STPG2: variants seen among roughly 807,000 people sequenced by gnomAD.
STPG2 encodes the protein sperm-tail PG-rich repeat-containing protein 2.
In STPG2, 56 loss-of-function variants were observed where a neutral mutation model predicts 54.2. The observed-to-expected ratio is 1.03, with a 90% CI of 0.83 to 1.29. The LOEUF is 1.29. Ranked by LOEUF, STPG2 falls within the 50% of genes most tolerant of loss-of-function variation. The pLI is 0.00. For missense variants in STPG2, 596 were observed against 544.9 expected (o/e 1.09, Z -0.93); for synonymous variants, 200 against 181.8 (o/e 1.10, Z -0.81).
intron 5 of STPG2, among the ~76,000 whole-genome samples, chr4:97,989,048 A>G (rs953228905): frequency 2.0e-5 from 3 of 152,218 alleles, no homozygotes; most frequent in African/African-American, 7.2e-5. Context: ...TAAATAGGTT[A>G]GATTCTAAAA....
At chr4:97,486,829 G>GTA (rs1290804763) in intron 4 of STPG2, among the ~76,000 whole-genome samples, 17,255 of 89,958 alleles carry the variant, frequency 0.19, 1,244 homozygotes, top group South Asian at 0.33. Context: ...GTGTGTGTGT[G>GTA]TATATATATA....
chr4:97,870,406 T>C (rs1729944094), intron 8 of STPG2, among the ~76,000 whole-genome samples: 1 of 151,438 alleles, frequency 6.6e-6, no homozygotes, highest in Non-Finnish European at 1.5e-5. Flanking sequence ...CATACAATTA[T>C]ATGAACAAAA....
intron 8 of STPG2, among the ~76,000 whole-genome samples, chr4:97,854,479 TAA>T (rs1276822418): frequency 6.7e-6 from 1 of 148,282 alleles, no homozygotes; most frequent in Non-Finnish European, 1.5e-5. Flanking sequence ...GTATCATATA[TAA>T]TATATATAAT....
At chr4:98,129,165 C>T (rs551416338) in intron 2 of STPG2, among the ~76,000 whole-genome samples, 5 of 152,150 alleles carry the variant, frequency 3.3e-5, no homozygotes, top group Non-Finnish European at 7.3e-5. Context: ...TCATAAGAAG[C>T]AAAGATTCTT....
At chr4:98,126,442 A>G (rs540558664) in intron 3 of STPG2, among the ~76,000 whole-genome samples, 17 of 152,304 alleles carry the variant, frequency 1.1e-4, no homozygotes, top group African/African-American at 3.6e-4. Context: ...AGAAAAGTGT[A>G]GTTTCCTGGA....
intron 10 of STPG2, among the ~76,000 whole-genome samples, chr4:97,560,708 G>T (rs1732206368): frequency 6.6e-6 from 1 of 152,190 alleles, no homozygotes; most frequent in Non-Finnish European, 1.5e-5. Context: ...TTCAACATCT[G>T]GTAGCATGGA....
rs75476178 is a variant in STPG2, at chr4:97,956,696, G to A, written c.934-12689C>T. Among the ~76,000 whole-genome samples the A allele has an allele frequency of 1.4e-3, 214 of 152,250 alleles. 4 individuals carry two copies. In the East Asian group the frequency reaches 0.04, roughly 28 times the overall value. ...CCAGAGCCTAATAGACCTGATGGGT[G>A]GCTGGATCCAGAAGAGACATAACAA... On this transcript the variant is annotated intron_variant, in intron 7 of 10. Transcript: ENST00000295268.
chr4:98,040,605 T>C (rs528334061), intron 5 of STPG2, among the ~76,000 whole-genome samples: 3 of 152,142 alleles, frequency 2.0e-5, no homozygotes, highest in South Asian at 4.1e-4. Flanking sequence ...TTGTTGACTT[T>C]ATTAAAGATA....
chr4:97,820,592 A>G (rs773428788), intron 9 of STPG2, among the ~76,000 whole-genome samples: 6 of 152,220 alleles, frequency 3.9e-5, no homozygotes, highest in Non-Finnish European at 7.3e-5. Context: ...CCATTCTTCC[A>G]TTGCTATAAA....
intron 5 of STPG2, among the ~76,000 whole-genome samples, chr4:98,093,559 T>C (rs1738754367): frequency 6.6e-6 from 1 of 152,144 alleles, no homozygotes; most frequent in African/African-American, 2.4e-5. Context: ...ACTATCTACA[T>C]GAAGAAAAGC....
At chr4:97,867,718 C>G (rs1560563093) in intron 8 of STPG2, among the ~76,000 whole-genome samples, 2 of 152,008 alleles carry the variant, frequency 1.3e-5, no homozygotes, top group Non-Finnish European at 2.9e-5. Flanking sequence ...AATATCAGTT[C>G]CCAAGCTCTT....
At chr4:97,621,038 G>C (rs1733997913) in intron 10 of STPG2, among the ~76,000 whole-genome samples, 1 of 152,044 alleles carries the variant, frequency 6.6e-6, no homozygotes, top group African/African-American at 2.4e-5. Context: ...AATGACCGAG[G>C]GTGGGGAGAG....
At chr4:97,993,691 C>T (rs926969858) in intron 5 of STPG2, among the ~76,000 whole-genome samples, 3 of 152,034 alleles carry the variant, frequency 2.0e-5, no homozygotes, top group African/African-American at 7.2e-5. Flanking sequence ...TCTGACAGAA[C>T]TCAGCTGTGA....
chr4:97,587,925 C>G (rs1733042369), intron 10 of STPG2, among the ~76,000 whole-genome samples: 1 of 151,844 alleles, frequency 6.6e-6, no homozygotes, highest in Non-Finnish European at 1.5e-5. Context: ...TTTCAGAATC[C>G]CATTCATCTT....
At chr4:97,498,262 A>G (rs1730652465) in intron 4 of STPG2, among the ~76,000 whole-genome samples, 1 of 151,920 alleles carries the variant, frequency 6.6e-6, no homozygotes, top group Non-Finnish European at 1.5e-5. Context: ...CTTGTTAATG[A>G]GGCATCATGT....
intron 9 of STPG2, among the ~76,000 whole-genome samples, chr4:97,722,156 T>C (rs1371386922): frequency 6.6e-6 from 1 of 151,626 alleles, no homozygotes; most frequent in Admixed American, 6.6e-5. Flanking sequence ...TCTATTTATA[T>C]GCAAATAAGC....
rs115127429 is a variant in STPG2 at position 97,620,530 on chromosome 4, A to T, written c.1321-61413T>A. ...AGATAAAGGGGACTTTAAACAAACA[A>T]AGATCACAAGAGAAAGAAGGGCAAC... On this transcript the variant is annotated intron_variant, in intron 10 of 10. Coordinates refer to ENST00000295268, the MANE Select transcript of STPG2 (RefSeq NM_174952.3). Among the ~76,000 whole-genome samples, 500 of 152,306 alleles carry T rather than the reference A, an allele frequency of 3.3e-3. 3 individuals are homozygous for T. Among genetic ancestry groups the T allele is most frequent in the African/African-American group, 0.011 (472 of 41,558 alleles).
intron 5 of STPG2, among the ~76,000 whole-genome samples, chr4:98,082,157 G>A (rs1738365416): frequency 6.6e-6 from 1 of 151,972 alleles, no homozygotes; most frequent in East Asian, 1.9e-4. Context: ...GTGCCTCAGG[G>A]AATTTCTCTA....
intron 10 of STPG2, among the ~76,000 whole-genome samples, chr4:97,707,570 G>A (rs1016279274): frequency 6.6e-6 from 1 of 151,882 alleles, no homozygotes; most frequent in Non-Finnish European, 1.5e-5. Context: ...AGGGAGGGGG[G>A]AAGTACTAGA....
Sources: allele counts gnomAD v4.1 joint callset (sites outside exome capture counted in the v4.1 genomes callset), GRCh38; gene constraint gnomAD v4.1.1; transcripts MANE v1.5; gene names NCBI Gene and HGNC (gene_info 2026-07-23, HGNC 2026-07-21).